The following ZNF346 variants were observed in gnomAD, a reference collection of about 807,000 sequenced individuals.
The protein encoded by ZNF346 is double-stranded RNA-binding zinc finger protein JAZ.
A neutral mutation model predicts 33.7 loss-of-function variants in ZNF346; 23 were observed. The observed-to-expected ratio is 0.68, with a 90% CI of 0.49 to 0.97. The LOEUF (loss-of-function observed/expected upper bound fraction) is 0.97, where lower values mean the gene tolerates loss of function less well. Among genes scored for constraint, ZNF346 ranks in the 50% least tolerant of loss-of-function variants. The pLI is 0.00. For missense variants in ZNF346, 340 were observed against 371.1 expected, an observed-to-expected ratio of 0.92 and a Z score of 0.69; for synonymous variants, 134 against 142.4, an observed-to-expected ratio of 0.94 and a Z score of 0.42.
chr5:177,076,398 T>C (rs1394561487), intron 8 of ZNF346, among the ~76,000 whole-genome samples: 1 of 152,200 alleles, frequency 6.6e-6, no homozygotes, highest in East Asian at 1.9e-4. Context: ...TTGTAAAATC[T>C]AGTTTTAGCA....
At chr5:177,055,904 C>T (rs1414228861) in intron 5 of ZNF346, among the ~76,000 whole-genome samples, 10 of 151,930 alleles carry the variant, frequency 6.6e-5, no homozygotes, top group African/African-American at 2.4e-4. Context: ...GGAGAAACCC[C>T]GTCTCTATTA....
At position 177,044,418 on chromosome 5, in the gene ZNF346, G is replaced by GTGC; in HGVS notation, c.406_408dup (p.Cys136dup). The GTGC allele has an allele frequency of 6.2e-7, 1 of 1,614,120 alleles. No homozygotes were observed. Among genetic ancestry groups the GTGC allele is most frequent in the Non-Finnish European group, 8.5e-7 (1 of 1,180,030 alleles). ...GCAGCAGAAGCAAAGACAAGAACCA[G>GTGC]TGCTGCCCCATCTGTAACATGACCT... On this transcript the variant is annotated inframe_insertion, in exon 4 of 7. Coordinates refer to ENST00000358149, the MANE Select transcript of ZNF346 (RefSeq NM_012279.4).
At chr5:177,039,460 T>A (rs1779050815) in intron 1 of ZNF346, among the ~76,000 whole-genome samples, 1 of 151,948 alleles carries the variant, frequency 6.6e-6, no homozygotes, top group African/African-American at 2.4e-5. Context: ...ATCGACTTTT[T>A]TTTTTTTAAG....
chr5:177,075,024 C>T (rs970923153), intron 8 of ZNF346, among the ~76,000 whole-genome samples: 1 of 149,732 alleles, frequency 6.7e-6, no homozygotes, highest in Non-Finnish European at 1.5e-5. Flanking sequence ...CGAGATCGCG[C>T]CAGTGCACTC....
intron 5 of ZNF346, among the ~76,000 whole-genome samples, chr5:177,059,992 C>T (rs895286844): frequency 1.3e-5 from 2 of 152,162 alleles, no homozygotes; most frequent in African/African-American, 4.8e-5. Context: ...AAAGGCACCC[C>T]AGAGGGCAAG....
intron 1 of ZNF346, among the ~76,000 whole-genome samples, chr5:177,040,073 C>T (rs985243804): frequency 2.0e-5 from 3 of 151,220 alleles, no homozygotes; most frequent in South Asian, 2.1e-4. Context: ...CCCAACTACT[C>T]GGGAGGCTGA....
At chr5:177,063,065 G>GTT (rs556962990) in intron 6 of ZNF346, among the ~76,000 whole-genome samples, 18,917 of 142,826 alleles carry the variant, frequency 0.13, 2,830 homozygotes, top group African/African-American at 0.37. Flanking sequence ...ACAACATAAC[G>GTT]TTTTTTTTTT....
At chr5:177,075,738 G>C (rs781318935) in intron 8 of ZNF346, among the ~76,000 whole-genome samples, 2 of 151,954 alleles carry the variant, frequency 1.3e-5, no homozygotes, top group African/African-American at 2.4e-5. Flanking sequence ...CCAGGCTAGA[G>C]TGCAGTGGTG....
intron 4 of ZNF346, among the ~76,000 whole-genome samples, chr5:177,049,222 T>C: frequency 6.6e-6 from 1 of 152,220 alleles, no homozygotes; most frequent in East Asian, 1.9e-4. Flanking sequence ...AAATTCCCTA[T>C]ACTAGAAAAA....
chr5:177,055,655 C>G (rs1341562531), intron 5 of ZNF346, among the ~76,000 whole-genome samples: 1 of 148,090 alleles, frequency 6.8e-6, no homozygotes, highest in Non-Finnish European at 1.5e-5. Context: ...AAATCGAAAA[C>G]TAGGGCCAGG....
chr5:177,072,604 C>T (rs1646526760), downstream of ZNF346, among the ~76,000 whole-genome samples: 1 of 152,214 alleles, frequency 6.6e-6, no homozygotes, highest in Non-Finnish European at 1.5e-5. Flanking sequence ...AACCCCAGTA[C>T]TTTGGGAGGC....
chr5:177,054,471 T>C (rs1396596143), intron 5 of ZNF346, among the ~76,000 whole-genome samples: 1 of 152,148 alleles, frequency 6.6e-6, no homozygotes, highest in Non-Finnish European at 1.5e-5. Flanking sequence ...CCATCTCAGC[T>C]CACTGGAACC....
rs192564301 is a variant in ZNF346, at chr5:177,061,831, G to A, written c.704-227G>A. On this transcript the variant is annotated intron_variant, in intron 5 of 6. Coordinates refer to ENST00000358149, the MANE Select transcript of ZNF346 (RefSeq NM_012279.4). ...ACAGCTAGTCTGGGCCAGGCTCTACGCTGGAACGAGGGACACAGGAATGAG... is the reference window on the plus strand; with the variant it reads ...ACAGCTAGTCTGGGCCAGGCTCTACACTGGAACGAGGGACACAGGAATGAG... Among the ~76,000 whole-genome samples the A allele has an allele frequency of 1.2e-4, 18 of 152,244 alleles. No homozygotes were observed. In the East Asian group the frequency reaches 2.3e-3, roughly 20 times the overall value.
At chr5:177,052,941 T>A (rs1781153033) in intron 5 of ZNF346, 2 of 152,304 alleles carry the variant, frequency 1.3e-5, no homozygotes, top group South Asian at 4.1e-4. Flanking sequence ...AGAGAAAGCA[T>A]GGAAATCTTC....
chr5:177,059,264 G>A (rs1342118280), intron 5 of ZNF346, among the ~76,000 whole-genome samples: 1 of 152,154 alleles, frequency 6.6e-6, no homozygotes, highest in Non-Finnish European at 1.5e-5. Flanking sequence ...AACCAGAAAG[G>A]TGAAGTGATT....
At position 177,064,840 on chromosome 5, in the gene ZNF346, C is replaced by T. The variant is rs13356308; in HGVS notation, c.*241C>T. 0.073 allele frequency: 37,055 copies of T among 506,052 alleles called. 4,169 individuals are homozygous for T. The highest frequency in any genetic ancestry group is 0.36 in the African/African-American group (18,900 of 52,024). 31.3% of individuals were successfully genotyped at this position (506,052 alleles called of 1,614,324 possible). A position where few individuals can be genotyped will look rare whatever the true frequency, so the allele number is the denominator to read the frequency against. On this transcript the variant is annotated 3_prime_UTR_variant, in exon 7 of 7. Coordinates refer to ENST00000358149, the MANE Select transcript of ZNF346 (RefSeq NM_012279.4). The stretch of plus-strand genomic sequence containing the variant: ...GGGTATTGAGAGACTCGGGGTCTCG[C>T]GGGGTGGTAGTTTGGAGGGTGGCTT...
intron 5 of ZNF346, among the ~76,000 whole-genome samples, chr5:177,057,767 C>T (rs1781907284): frequency 6.6e-6 from 1 of 150,680 alleles, no homozygotes; most frequent in African/African-American, 2.4e-5. Flanking sequence ...ATCAGGTGTT[C>T]TACACCTTCA....
chr5:177,078,756 C>T (rs1392127812), intron 8 of ZNF346, among the ~76,000 whole-genome samples: 3 of 150,456 alleles, frequency 2.0e-5, no homozygotes, highest in Non-Finnish European at 4.4e-5. Flanking sequence ...ACTAAAAACA[C>T]AAAAATTAGC....
chr5:177,076,609 C>T (rs919606905), intron 8 of ZNF346, among the ~76,000 whole-genome samples: 8 of 152,196 alleles, frequency 5.3e-5, no homozygotes, highest in African/African-American at 1.9e-4. Flanking sequence ...CACTCTGTTC[C>T]TTGGCTCAGA....
Sources: allele counts gnomAD v4.1 joint callset (sites outside exome capture counted in the v4.1 genomes callset), GRCh38; gene constraint gnomAD v4.1.1; transcripts MANE v1.5; gene names NCBI Gene and HGNC (gene_info 2026-07-23, HGNC 2026-07-21).